Variants in SKAP1 observed in about 807,000 individuals in gnomAD.
SKAP1 encodes src kinase associated phosphoprotein 1.
SKAP1 carries 44 observed loss-of-function variants against 58.5 expected under a neutral mutation model. That is an observed-to-expected ratio of 0.75 (90% CI 0.59 to 0.97). The LOEUF (loss-of-function observed/expected upper bound fraction) is 0.97. SKAP1 is among the 50% of genes least tolerant of loss of function. The pLI is 0.00. For synonymous variants in SKAP1, 127 were observed against 149.7 expected (o/e 0.85, Z 1.11); for missense variants, 390 against 435.2 (o/e 0.90, Z 0.92).
intron 4 of SKAP1, among the ~76,000 whole-genome samples, chr17:48,229,914 C>A (rs571435208): frequency 6.6e-6 from 1 of 152,236 alleles, no homozygotes; most frequent in Admixed American, 6.5e-5. Context: ...GGATAGGAAA[C>A]CCTGAGAAAT....
At chr17:48,184,978 A>T in intron 6 of SKAP1, 131 bp from the exon 7 acceptor site, 2 of 837,986 alleles carry the variant, frequency 2.4e-6, no homozygotes, top group South Asian at 3.9e-5. Flanking sequence ...AGTCAAGGAA[A>T]GGTTATTAGA....
chr17:48,158,177 C>CAAAAA (rs55933327), intron 11 of SKAP1, among the ~76,000 whole-genome samples: 4 of 106,274 alleles, frequency 3.8e-5, no homozygotes, highest in African/African-American at 1.4e-4. Flanking sequence ...AACTCTGTCT[C>CAAAAA]AAAAAAAAAA....
chr17:48,257,361 T>G (rs888288180), intron 4 of SKAP1, among the ~76,000 whole-genome samples: 1 of 152,134 alleles, frequency 6.6e-6, no homozygotes, highest in African/African-American at 2.4e-5. Context: ...AAACAGTATT[T>G]AGCCAGTTTA....
intron 4 of SKAP1, among the ~76,000 whole-genome samples, chr17:48,220,988 G>A (rs2065000033): frequency 2.6e-5 from 4 of 151,964 alleles, no homozygotes; most frequent in Admixed American, 2.6e-4. Flanking sequence ...AAATCACCAG[G>A]GTGGGCACGG....
At chr17:48,211,832 A>T (rs1352334082) in intron 4 of SKAP1, among the ~76,000 whole-genome samples, 1 of 152,044 alleles carries the variant, frequency 6.6e-6, no homozygotes, top group Non-Finnish European at 1.5e-5. Context: ...TTTGTTCGTC[A>T]TGGTCCAAAC....
intron 4 of SKAP1, among the ~76,000 whole-genome samples, chr17:48,337,595 ATAAT>A (rs1444314932): frequency 1.3e-5 from 2 of 152,246 alleles, no homozygotes. Context: ...GCCAAAAAAG[ATAAT>A]TAATTAGTTC....
chr17:48,261,814 A>G (rs1403519285), intron 4 of SKAP1, among the ~76,000 whole-genome samples: 2 of 145,486 alleles, frequency 1.4e-5, no homozygotes, highest in African/African-American at 5.1e-5. Context: ...CTTTTGTTTT[A>G]TGGTGGGGGA....
chr17:48,325,385 C>A (rs73988634), intron 4 of SKAP1, among the ~76,000 whole-genome samples: 236 of 152,022 alleles, frequency 1.6e-3, no homozygotes, highest in African/African-American at 5.5e-3. Flanking sequence ...CATTTATGCT[C>A]CTCATTTTTG....
chr17:48,167,017 A>G (rs1368862416), intron 10 of SKAP1, among the ~76,000 whole-genome samples: 2 of 152,050 alleles, frequency 1.3e-5, no homozygotes, highest in African/African-American at 4.8e-5. Flanking sequence ...GGTGCATGCC[A>G]CCACACCCAG....
At chr17:48,175,327 T>C (rs1486111584) in intron 9 of SKAP1, among the ~76,000 whole-genome samples, 2 of 152,190 alleles carry the variant, frequency 1.3e-5, no homozygotes, top group African/African-American at 4.8e-5. Context: ...CAAGGTGCTG[T>C]GGTGACAGAT....
At chr17:48,146,019 C>G (rs1259182195) in intron 11 of SKAP1, among the ~76,000 whole-genome samples, 1 of 152,124 alleles carries the variant, frequency 6.6e-6, no homozygotes, top group African/African-American at 2.4e-5. Context: ...TAGGCCTCGT[C>G]TCTGGGGTGA....
intron 2 of SKAP1, among the ~76,000 whole-genome samples, chr17:48,370,890 A>G (rs1321430827): frequency 6.6e-6 from 1 of 152,242 alleles, no homozygotes; most frequent in Non-Finnish European, 1.5e-5. Flanking sequence ...GTGTCCATCA[A>G]CAGTGGATTA....
chr17:48,259,799 G>T (rs2065466181), intron 4 of SKAP1, among the ~76,000 whole-genome samples: 1 of 152,106 alleles, frequency 6.6e-6, no homozygotes, highest in Non-Finnish European at 1.5e-5. Context: ...GCCACCTACA[G>T]TTTTCTTGAC....
intron 1 of SKAP1, among the ~76,000 whole-genome samples, chr17:48,406,601 T>C (rs775853454): frequency 1.1e-4 from 17 of 151,804 alleles, no homozygotes; most frequent in Non-Finnish European, 1.9e-4. Context: ...GTCTAACTTA[T>C]GTCACCCAGG....
intron 4 of SKAP1, among the ~76,000 whole-genome samples, chr17:48,320,343 T>C (rs2144218733): frequency 6.6e-6 from 1 of 152,328 alleles, no homozygotes; most frequent in South Asian, 2.1e-4. Flanking sequence ...ATTAAACTGA[T>C]ACTTCTAGAC....
intron 4 of SKAP1, among the ~76,000 whole-genome samples, chr17:48,299,828 T>C (rs2066034571): frequency 6.6e-6 from 1 of 152,020 alleles, no homozygotes; most frequent in Non-Finnish European, 1.5e-5. Flanking sequence ...AGTTTGAGCA[T>C]GGCCTGGAAG....
At chr17:48,309,895 GCCTTGCA>G (rs2066201045) in intron 4 of SKAP1, among the ~76,000 whole-genome samples, 1 of 152,118 alleles carries the variant, frequency 6.6e-6, no homozygotes, top group South Asian at 2.1e-4. Flanking sequence ...TGGTATGTTG[GCCTTGCA>G]CCTTTAATGA....
intron 4 of SKAP1, among the ~76,000 whole-genome samples, chr17:48,334,762 A>G (rs1481438354): frequency 6.6e-6 from 1 of 151,858 alleles, no homozygotes; most frequent in African/African-American, 2.4e-5. Context: ...ATGTTTTGCT[A>G]TTAAGATGTT....
intron 4 of SKAP1, among the ~76,000 whole-genome samples, chr17:48,310,705 A>G (rs1300853001): frequency 2.6e-5 from 4 of 152,194 alleles, no homozygotes; most frequent in Admixed American, 2.6e-4. Flanking sequence ...AATAATTTCA[A>G]TGTAAGAAAT....
Sources: gnomAD v4.1 joint callset for allele counts (sites outside exome capture counted in the v4.1 genomes callset) on GRCh38, gnomAD v4.1.1 for gene constraint, MANE v1.5 for transcripts, NCBI Gene and HGNC (gene_info 2026-07-23, HGNC 2026-07-21) for gene names.